MPC1: variants seen among roughly 807,000 people sequenced by gnomAD.
MPC1 encodes the protein mitochondrial pyruvate carrier 1.
MPC1 carries 6 observed loss-of-function variants against 13.9 expected under a neutral mutation model. That is an observed-to-expected ratio of 0.43 (90% confidence interval 0.24 to 0.85). The LOEUF (loss-of-function observed/expected upper bound fraction) is 0.85. MPC1 is among the 40% of genes least tolerant of loss of function. The probability of loss-of-function intolerance (pLI) is 0.24; values close to 1 mark genes in which losing one functional copy is unlikely to be tolerated. For synonymous variants in MPC1, 47 were observed against 50.5 expected, an observed-to-expected ratio of 0.93 and a Z score of 0.29; for missense variants, 115 against 143.3, an observed-to-expected ratio of 0.80 and a Z score of 1.01.
At chr6:166,367,687 T>C (rs1779214051) in intron 2 of MPC1, among the ~76,000 whole-genome samples, 2 of 152,158 alleles carry the variant, frequency 1.3e-5, no homozygotes, top group South Asian at 2.1e-4. Context: ...AGATGAAAAA[T>C]TGTTTCATTA....
Position 166,365,506 on chromosome 6 carries a change from T to A in MPC1, c.306-53A>T. On this transcript the variant is annotated intron_variant, in intron 4 of 4. Transcript: ENST00000360961. The surrounding 1 kb of genome is among the most constrained non-coding windows in gnomAD (Gnocchi z 4.2). ...ATGAGAAACAAAATTTCAATGCCAATCGCAAGGGCTTTGGATGGCTTTTAA... is the reference window on the plus strand; with the variant it reads ...ATGAGAAACAAAATTTCAATGCCAAACGCAAGGGCTTTGGATGGCTTTTAA... The A allele has an allele frequency of 6.8e-7, 1 of 1,467,394 alleles. No individual in the cohort carries two copies. The allele number at this position is 1,467,394 out of a possible 1,614,324, so 90.9% of individuals were successfully genotyped here. A position where few individuals can be genotyped will look rare whatever the true frequency, so the allele number is the denominator to read the frequency against.
At chr6:166,374,935 C>T (rs1779515697) in intron 1 of MPC1, among the ~76,000 whole-genome samples, 2 of 152,080 alleles carry the variant, frequency 1.3e-5, no homozygotes, top group East Asian at 1.9e-4. Context: ...GGTTTACCGC[C>T]GTCTCCATTT....
chr6:166,370,196 T>G, intron 2 of MPC1, 22 bp downstream of exon 2: 1 of 780,806 alleles, frequency 1.3e-6, no homozygotes, highest in Non-Finnish European at 2.4e-6. Context: ...AAGCCTGAAA[T>G]GGATGGAAAT....
At chr6:166,367,563 C>G (rs1406440964) in intron 2 of MPC1, among the ~76,000 whole-genome samples, 3 of 152,146 alleles carry the variant, frequency 2.0e-5, no homozygotes, top group African/African-American at 7.2e-5. Context: ...TTTCATTCCA[C>G]AACTACACTC....
At chr6:166,372,476 G>A (rs1379492610) in intron 1 of MPC1, among the ~76,000 whole-genome samples, 1 of 152,052 alleles carries the variant, frequency 6.6e-6, no homozygotes, top group African/African-American at 2.4e-5. Context: ...GAGAATAAGG[G>A]AGAATTAACT....
intron 2 of MPC1, chr6:166,368,971 G>A: frequency 1.0e-6 from 1 of 981,852 alleles, no homozygotes; most frequent in Non-Finnish European, 1.2e-6. Flanking sequence ...TCTAAGAGGG[G>A]CATATAAACC....
intron 1 of MPC1, among the ~76,000 whole-genome samples, chr6:166,372,390 G>A (rs1562459008): frequency 6.6e-6 from 1 of 152,096 alleles, no homozygotes; most frequent in African/African-American, 2.4e-5. Flanking sequence ...GAGAATAAGG[G>A]AGATTATAAA....
chr6:166,379,469 GGGTGACAGAGT>G (rs1485708393), intron 1 of MPC1, among the ~76,000 whole-genome samples: 26 of 150,120 alleles, frequency 1.7e-4, no homozygotes, highest in African/African-American at 4.8e-4. Flanking sequence ...ACTCCAGCCT[GGGTGACAGAGT>G]AATACCCTGT....
intron 1 of MPC1, among the ~76,000 whole-genome samples, chr6:166,376,268 G>A (rs1230579331): frequency 1.3e-5 from 2 of 152,176 alleles, no homozygotes; most frequent in South Asian, 2.1e-4. Flanking sequence ...AGCCAGTGCT[G>A]TAACTCAGTC....
chr6:166,370,954 CTATT>C (rs982941333), intron 1 of MPC1, among the ~76,000 whole-genome samples: 1 of 152,172 alleles, frequency 6.6e-6, no homozygotes, highest in Non-Finnish European at 1.5e-5. Flanking sequence ...TCAATAAAAA[CTATT>C]CATTAGACCT....
At chr6:166,375,921 T>C (rs1321067382) in intron 1 of MPC1, among the ~76,000 whole-genome samples, 1 of 152,208 alleles carries the variant, frequency 6.6e-6, no homozygotes, top group Non-Finnish European at 1.5e-5. Flanking sequence ...TTTTGTTGAG[T>C]TAAATTATGT....
intron 1 of MPC1, among the ~76,000 whole-genome samples, chr6:166,381,026 A>T (rs1466694724): frequency 1.3e-5 from 2 of 151,546 alleles, no homozygotes; most frequent in African/African-American, 4.8e-5. Context: ...TCATAACTGT[A>T]TTTTTAATTT....
chr6:166,373,917 CTGCT>C (rs1477464477), intron 1 of MPC1, among the ~76,000 whole-genome samples: 2 of 152,184 alleles, frequency 1.3e-5, no homozygotes, highest in African/African-American at 4.8e-5. Flanking sequence ...GGAGAGGTAT[CTGCT>C]TAAGTCTTCG....
chr6:166,366,773 T>C lies in MPC1; in HGVS notation c.172+22A>G, dbSNP rs746336361. On this transcript the variant is annotated intron_variant, in intron 3 of 4. Coordinates refer to ENST00000360961, the MANE Select transcript of MPC1 (RefSeq NM_016098.4). ...TCTACTATGTTGAAAGTCCTCCCAA[T>C]TATCCAAATCTGCATTCTTACCAAA... is the stretch of plus-strand genomic sequence containing the variant. The C allele has an allele frequency of 4.3e-6, 7 of 1,609,598 alleles. No homozygotes were observed. In the Admixed American group the frequency reaches 1.2e-4, roughly 27 times the overall value.
At position 166,365,347 on chromosome 6, in the gene MPC1, G is replaced by A; in HGVS notation, c.*82C>T. 8.3e-7 allele frequency: 1 copy of A among 1,204,332 alleles called. No homozygotes were observed. The highest frequency in any genetic ancestry group is 1.1e-6 in the Non-Finnish European group (1 of 895,210). 74.6% of individuals were successfully genotyped at this position (1,204,332 alleles called of 1,614,324 possible). On this transcript the variant is annotated 3_prime_UTR_variant, in exon 5 of 5. Coordinates refer to ENST00000360961, the MANE Select transcript of MPC1 (RefSeq NM_016098.4). The surrounding 1 kb of genome is among the most constrained non-coding windows in gnomAD (Gnocchi z 4.2). ...TAGCATTCAGTGTATTTTCCTTAGGGAGGCTATTTATAATGAAATCTGTGA... is the reference window on the plus strand; with the variant it reads ...TAGCATTCAGTGTATTTTCCTTAGGAAGGCTATTTATAATGAAATCTGTGA...
intron 1 of MPC1, among the ~76,000 whole-genome samples, chr6:166,372,524 T>C (rs1362116121): frequency 6.6e-6 from 1 of 152,204 alleles, no homozygotes; most frequent in East Asian, 1.9e-4. Context: ...AAGTCCTACA[T>C]GAATATAATC....
In MPC1 at chr6:166,365,834, A is replaced by C; in HGVS notation, c.305+140T>G. 10 of 1,107,812 alleles carry C rather than the reference A, an allele frequency of 9.0e-6. No homozygotes were observed. The highest frequency in any genetic ancestry group is 1.2e-5 in the Non-Finnish European group (10 of 801,950). The allele number at this position is 1,107,812 out of a possible 1,614,324, so 68.6% of individuals were successfully genotyped here. Reference sequence around the variant, plus strand: ...TAGTTCATGTTAACTTTCATGGTTTAGTAAGTTGTTTCCCCAACTGCTAAA... The same window carrying C: ...TAGTTCATGTTAACTTTCATGGTTTCGTAAGTTGTTTCCCCAACTGCTAAA... On this transcript the variant is annotated intron_variant, in intron 4 of 4. Coordinates refer to ENST00000360961, the MANE Select transcript of MPC1 (RefSeq NM_016098.4). This position sits in a 1 kb window ranked among gnomAD's most constrained non-coding sequence, Gnocchi z 4.2.
At chr6:166,377,536 T>C (rs1443116123) in intron 1 of MPC1, among the ~76,000 whole-genome samples, 2 of 152,250 alleles carry the variant, frequency 1.3e-5, no homozygotes, top group Admixed American at 6.5e-5. Flanking sequence ...AACTTACTTA[T>C]GTAGTACTAA....
intron 1 of MPC1, among the ~76,000 whole-genome samples, chr6:166,378,732 T>A (rs1334463693): frequency 2.0e-5 from 3 of 152,142 alleles, no homozygotes; most frequent in Non-Finnish European, 4.4e-5. Context: ...TGATTCAAGA[T>A]CCTAATCAAG....
Sources: allele counts gnomAD v4.1 joint callset (sites outside exome capture counted in the v4.1 genomes callset), GRCh38; gene constraint gnomAD v4.1.1; non-coding constraint Gnocchi (gnomAD v3.1); transcripts MANE v1.5; gene names NCBI Gene and HGNC (gene_info 2026-07-23, HGNC 2026-07-21).